The following SLC11A2 variants were observed in gnomAD, a reference collection of about 807,000 sequenced individuals.
SLC11A2 encodes natural resistance-associated macrophage protein 2.
Under a neutral mutation model 68.0 loss-of-function variants are expected in SLC11A2, and 38 were observed. The ratio of observed to expected loss-of-function variants is 0.56; its 90% CI spans 0.43 to 0.73. The LOEUF (loss-of-function observed/expected upper bound fraction) is 0.73, where lower values mean the gene tolerates loss of function less well. SLC11A2 is among the 30% of genes least tolerant of loss of function. The pLI, the probability that SLC11A2 is intolerant of heterozygous loss-of-function variation, is 0.00. For synonymous variants in SLC11A2, 242 were observed against 250.6 expected (o/e 0.97, Z 0.32); for missense variants, 517 against 690.5 (o/e 0.75, Z 2.82).
intron 1 of SLC11A2, among the ~76,000 whole-genome samples, chr12:51,014,851 T>C (rs1943506337): frequency 6.6e-6 from 1 of 150,902 alleles, no homozygotes; most frequent in Non-Finnish European, 1.5e-5. Flanking sequence ...AAACTCTGTC[T>C]CAAAATAAAA....
At chr12:50,984,579 T>G (rs890425525), downstream of SLC11A2, among the ~76,000 whole-genome samples, 1 of 152,126 alleles carries the variant, frequency 6.6e-6, no homozygotes, top group African/African-American at 2.4e-5. Context: ...TTCTGAGACA[T>G]TGAGAAATGA....
chr12:50,980,639 G>A (rs1939971900), downstream of SLC11A2: 2 of 152,176 alleles, frequency 1.3e-5, no homozygotes, highest in Admixed American at 6.5e-5. Context: ...TCTCACTCTA[G>A]TACTAATCTC....
At chr12:50,999,670 A>G (rs1315927885) in intron 6 of SLC11A2, 3 of 502,678 alleles carry the variant, frequency 6.0e-6, no homozygotes, top group Admixed American at 3.2e-5. Flanking sequence ...TCTTACCCTC[A>G]TGGAGTTAGA....
the SLC11A2 span, among the ~76,000 whole-genome samples, chr12:50,969,701 T>C: frequency 1.7e-5 from 2 of 115,712 alleles, no homozygotes; most frequent in African/African-American, 3.0e-5. Flanking sequence ...AGACTCCATC[T>C]CAAAAAAAAA....
chr12:51,001,563 G>A (rs1266458402), intron 5 of SLC11A2, among the ~76,000 whole-genome samples: 4 of 133,336 alleles, frequency 3.0e-5, no homozygotes, highest in Admixed American at 8.6e-5. Flanking sequence ...ATTCCTTTAC[G>A]TTCTTAATAA....
At chr12:50,974,763 C>A (rs1416317828), downstream of SLC11A2, among the ~76,000 whole-genome samples, 1 of 152,142 alleles carries the variant, frequency 6.6e-6, no homozygotes, top group Non-Finnish European at 1.5e-5. Flanking sequence ...TGCAGAGACA[C>A]ACATAGGCTC....
rs1294071430 is a variant in SLC11A2 at position 50,986,770 on chromosome 12, G to GA, written c.*1554dup. On this transcript the variant is annotated 3_prime_UTR_variant, in exon 16 of 16. Coordinates refer to ENST00000262052, the MANE Select transcript of SLC11A2 (RefSeq NM_000617.3). ...TGTGCTATATTACTTGAGGGGCTAA[G>GA]AAAAATGTATGGTCAGTGAAACACA... 10 of 1,287,020 alleles carry GA rather than the reference G, an allele frequency of 7.8e-6. No homozygotes were observed. Among genetic ancestry groups the GA allele is most frequent in the Non-Finnish European group, 1.0e-6 (1 of 988,680 alleles). The allele number at this position is 1,287,020 out of a possible 1,614,324, so 79.7% of individuals were successfully genotyped here. A position where few individuals can be genotyped will look rare whatever the true frequency, so the allele number is the denominator to read the frequency against.
downstream of SLC11A2, chr12:50,981,749 C>G (rs200811113): frequency 4.9e-5 from 75 of 1,535,472 alleles, no homozygotes; most frequent in Non-Finnish European, 2.1e-5. Flanking sequence ...AGTGAGTCAG[C>G]GTCCATGGTG....
the SLC11A2 span, among the ~76,000 whole-genome samples, chr12:50,955,838 AACAGAG>A: frequency 6.6e-6 from 1 of 152,216 alleles, no homozygotes. Context: ...TTAATTAATA[AACAGAG>A]ACAAAGAGAC....
chr12:50,961,192 G>T, the SLC11A2 span: 1 of 1,337,738 alleles, frequency 7.5e-7, no homozygotes, highest in Non-Finnish European at 1.0e-6. Flanking sequence ...TGAATGTTGG[G>T]TCACAATGAT....
chr12:51,027,926 G>A (rs932656108), upstream of SLC11A2, among the ~76,000 whole-genome samples: 18 of 150,824 alleles, frequency 1.2e-4, no homozygotes, highest in Non-Finnish European at 2.7e-4. Context: ...GTGGGGGGGG[G>A]GGGCTTGGCT....
chr12:50,999,424 G>C lies in SLC11A2; in HGVS notation c.537-9C>G. 6.2e-7 allele frequency: 1 copy of C among 1,604,860 alleles called. No individual in the cohort carries two copies. Among genetic ancestry groups the C allele is most frequent in the Admixed American group, 1.7e-5 (1 of 60,008 alleles). The stretch of plus-strand genomic sequence containing the variant: ...CACCCCACAGAGGAATTCTAGGTCA[G>C]AGATGAGATATGGAAGTCAGAGAGA... On this transcript the variant is annotated splice_polypyrimidine_tract_variant and intron_variant, in intron 6 of 15. Coordinates refer to ENST00000262052, the MANE Select transcript of SLC11A2 (RefSeq NM_000617.3).
chr12:50,987,514 GA>G lies in SLC11A2; in HGVS notation c.*810del, dbSNP rs1372091298. ...TTCTATCACCACCCTCCTGGAGAAA[GA>G]AAGTTAAGGTTTTACAACCACATGT... is the stretch of plus-strand genomic sequence containing the variant. On this transcript the variant is annotated 3_prime_UTR_variant, in exon 16 of 16. Transcript: ENST00000262052. 7.8e-7 allele frequency: 1 copy of G among 1,287,172 alleles called. No homozygotes were observed. Among genetic ancestry groups the G allele is most frequent in the African/African-American group, 1.5e-5 (1 of 65,890 alleles). The allele number at this position is 1,287,172 out of a possible 1,614,324, so 79.7% of individuals were successfully genotyped here. A position where few individuals can be genotyped will look rare whatever the true frequency, so the allele number is the denominator to read the frequency against.
At chr12:50,994,819 C>A in intron 10 of SLC11A2, 189 bp from the exon 11 acceptor site, 1 of 456,950 alleles carries the variant, frequency 2.2e-6, no homozygotes, top group Non-Finnish European at 3.7e-6. Context: ...CCTTCTACAC[C>A]CACAGGTCAT....
At chr12:50,963,269 C>T in the SLC11A2 span, among the ~76,000 whole-genome samples, 2 of 146,498 alleles carry the variant, frequency 1.4e-5, no homozygotes, top group Non-Finnish European at 3.0e-5. Context: ...ACTCAGGAGG[C>T]TGAAGTAGGA....
chr12:51,003,764 C>CAAA (rs34667457), intron 5 of SLC11A2, among the ~76,000 whole-genome samples: 2 of 66,818 alleles, frequency 3.0e-5, no homozygotes, highest in African/African-American at 1.0e-4. Flanking sequence ...CTCATCTCCA[C>CAAA]AAAAAAAAAA....
chr12:50,982,929 A>C (rs1269454825), downstream of SLC11A2, among the ~76,000 whole-genome samples: 2 of 144,802 alleles, frequency 1.4e-5, no homozygotes, highest in African/African-American at 5.1e-5. Flanking sequence ...CAACACAGCG[A>C]GACTCCGTCA....
downstream of SLC11A2, among the ~76,000 whole-genome samples, chr12:50,982,724 A>C (rs1017072957): frequency 6.6e-6 from 1 of 152,142 alleles, no homozygotes; most frequent in Non-Finnish European, 1.5e-5. Context: ...CGCATGGATC[A>C]CCTCAGGTCA....
At chr12:50,954,072 A>C in the SLC11A2 span, 1 of 1,610,414 alleles carries the variant, frequency 6.2e-7, no homozygotes, top group Non-Finnish European at 8.5e-7. Flanking sequence ...AAATCTAGAG[A>C]CTCCCCCTTT....
Sources: gnomAD v4.1 joint callset for allele counts (sites outside exome capture counted in the v4.1 genomes callset) on GRCh38, gnomAD v4.1.1 for gene constraint, MANE v1.5 for transcripts, NCBI Gene and HGNC (gene_info 2026-07-23, HGNC 2026-07-21) for gene names.